The following PPIL2 variants were observed in gnomAD, a reference collection of about 807,000 sequenced individuals.
PPIL2 encodes the protein peptidylprolyl isomerase like 2.
PPIL2 carries 50 observed loss-of-function variants against 75.2 expected under a neutral mutation model. The observed-to-expected ratio is 0.66, with a 90% confidence interval of 0.53 to 0.84. The LOEUF (loss-of-function observed/expected upper bound fraction) is 0.84. Ranked by LOEUF, PPIL2 falls within the 40% of genes least tolerant of loss-of-function variation. The probability of loss-of-function intolerance (pLI) is 0.00; values close to 1 mark genes in which losing one functional copy is unlikely to be tolerated. For missense variants in PPIL2, 590 were observed against 685.0 expected, an observed-to-expected ratio of 0.86 and a Z score of 1.55; for synonymous variants, 245 against 258.8, an observed-to-expected ratio of 0.95 and a Z score of 0.51.
intron 7 of PPIL2, among the ~76,000 whole-genome samples, 177 bp downstream of exon 7, chr22:21,681,567 G>T (rs929246093): frequency 1.3e-5 from 2 of 152,178 alleles, no homozygotes; most frequent in African/African-American, 2.4e-5. Context: ...CCCATTTTCA[G>T]GCAGGTCAAA....
chr22:21,691,549 A>G (rs1228466613), intron 15 of PPIL2, among the ~76,000 whole-genome samples: 6 of 152,018 alleles, frequency 3.9e-5, no homozygotes, highest in Non-Finnish European at 7.4e-5. Flanking sequence ...GCATGGTGGC[A>G]GGCGCCTGTA....
chr22:21,672,413 T>A (rs1156883092), intron 5 of PPIL2, 32 bp downstream of exon 5: 1 of 1,560,152 alleles, frequency 6.4e-7, no homozygotes, highest in African/African-American at 1.4e-5. Flanking sequence ...TCAGTGATGC[T>A]AGTGAATGCT....
intron 9 of PPIL2, among the ~76,000 whole-genome samples, chr22:21,684,180 T>C (rs892763719): frequency 3.4e-5 from 5 of 148,536 alleles, no homozygotes; most frequent in African/African-American, 1.3e-4. Context: ...GCTTTCTAGC[T>C]GGGGCGACAG....
intron 6 of PPIL2, among the ~76,000 whole-genome samples, chr22:21,678,016 G>A (rs528092464): frequency 1.3e-5 from 2 of 152,290 alleles, no homozygotes; most frequent in East Asian, 3.9e-4. Context: ...GCCCAGCTGG[G>A]AGTCCAATGT....
chr22:21,689,517 C>T (rs769645783), intron 15 of PPIL2, among the ~76,000 whole-genome samples: 2 of 152,006 alleles, frequency 1.3e-5, no homozygotes, highest in African/African-American at 2.4e-5. Flanking sequence ...GATCATTGCT[C>T]ATGTAGAGAA....
intron 7 of PPIL2, among the ~76,000 whole-genome samples, chr22:21,681,958 C>A (rs2067146687): frequency 6.6e-6 from 1 of 152,242 alleles, no homozygotes; most frequent in African/African-American, 2.4e-5. Context: ...GTGGCCAGCG[C>A]TGCTCCAGGG....
chr22:21,697,043 T>C lies in PPIL2; in HGVS notation c.*1553T>C, dbSNP rs543104495. ...AGCCTGTCATCCCTGTCTGTGACCATTGGTCGGGCCCCTGGGCTCTAGAGT... is the reference window on the plus strand; with the variant it reads ...AGCCTGTCATCCCTGTCTGTGACCACTGGTCGGGCCCCTGGGCTCTAGAGT... On this transcript the variant is annotated 3_prime_UTR_variant, in exon 20 of 20. Transcript: ENST00000398831. 4.3e-5 allele frequency: 65 copies of C among 1,513,690 alleles called. No individual in the cohort carries two copies. Among genetic ancestry groups the C allele is most frequent in the East Asian group, 2.0e-4 (8 of 40,888 alleles). 93.8% of individuals were successfully genotyped at this position (1,513,690 alleles called of 1,614,324 possible).
intron 1 of PPIL2, among the ~76,000 whole-genome samples, chr22:21,667,235 C>A (rs1432462223): frequency 6.6e-6 from 1 of 151,048 alleles, no homozygotes; most frequent in East Asian, 1.9e-4. Flanking sequence ...TGGCTCACCG[C>A]AACCTCCGCT....
rs1305523547 is a variant in PPIL2, at chr22:21,696,763, C to CCTCT, written c.*1274_*1277dup. On this transcript the variant is annotated 3_prime_UTR_variant, in exon 20 of 20. Coordinates refer to ENST00000398831, the MANE Select transcript of PPIL2 (RefSeq NM_014337.4). ...ACCTGTCAGCAACTTGCAGGCTGTACCTCTGCCCTTCCTTTTCTCATCAAT... is the reference window on the plus strand; with the variant it reads ...ACCTGTCAGCAACTTGCAGGCTGTACCTCTCTCTGCCCTTCCTTTTCTCATCAAT... The CCTCT allele has an allele frequency of 6.5e-7, 1 of 1,543,906 alleles. No individual in the cohort carries two copies. The highest frequency in any genetic ancestry group is 1.2e-5 in the South Asian group (1 of 84,068).
In PPIL2 at chr22:21,686,493, C is replaced by A; in HGVS notation, c.725C>A (p.Ser242Tyr). The A allele has an allele frequency of 6.2e-7, 1 of 1,614,122 alleles. No homozygotes were observed. Among genetic ancestry groups the A allele is most frequent in the Non-Finnish European group, 8.5e-7 (1 of 1,179,992 alleles). Residue 242 changes from serine to tyrosine, a missense_variant, in exon 11 of 20, where the codon TCC becomes TAC. Physicochemically the swap from Ser to Tyr is moderately radical, Grantham distance 144 (BLOSUM62 -2). Coordinates refer to ENST00000398831, the MANE Select transcript of PPIL2 (RefSeq NM_014337.4). ...KVDKLNAAHY[S>Y]TGKVSASFTS... ...TGGTTTCCTTGGCAGGCCCACTATT[C>A]CACAGGGAAGGTCAGCGCTTCCTTC... is the stretch of plus-strand genomic sequence containing the variant.
intron 3 of PPIL2, 158 bp from the exon 4 acceptor site, chr22:21,670,839 T>A: frequency 2.3e-6 from 2 of 874,218 alleles, no homozygotes; most frequent in Non-Finnish European, 3.8e-6. Flanking sequence ...AACACTATTG[T>A]AGTTGGAGGA....
At chr22:21,676,276 G>GTGTC (rs2066841192) in intron 6 of PPIL2, among the ~76,000 whole-genome samples, 1 of 143,112 alleles carries the variant, frequency 7.0e-6, no homozygotes, top group Non-Finnish European at 1.5e-5. Context: ...GTGTGTGTGT[G>GTGTC]TGTCTCATTC....
At chr22:21,676,306 A>G (rs201976351) in intron 6 of PPIL2, among the ~76,000 whole-genome samples, 69 of 23,336 alleles carry the variant, frequency 3.0e-3, no homozygotes, top group Non-Finnish European at 9.7e-4. Flanking sequence ...TTATTTATTT[A>G]TTTTGTGTGT....
intron 2 of PPIL2, chr22:21,670,317 C>A: frequency 6.7e-7 from 1 of 1,500,482 alleles, no homozygotes; most frequent in South Asian, 1.3e-5. Context: ...ACTATCAAGA[C>A]TACAATAACA....
chr22:21,695,496 G>T lies in PPIL2; in HGVS notation c.*6G>T. 6.3e-7 allele frequency: 1 copy of T among 1,588,812 alleles called. No individual in the cohort carries two copies. Among genetic ancestry groups the T allele is most frequent in the Non-Finnish European group, 8.6e-7 (1 of 1,166,840 alleles). On this transcript the variant is annotated 3_prime_UTR_variant, in exon 20 of 20. Coordinates refer to ENST00000398831, the MANE Select transcript of PPIL2 (RefSeq NM_014337.4). ...GGGACTTCAGCTCCTGGTAGCAGCA[G>T]GTTGGCCGCTGTGGACCTTGGTGGG...
chr22:21,693,715 C>T, intron 15 of PPIL2, 101 bp from the exon 16 acceptor site: 4 of 1,214,988 alleles, frequency 3.3e-6, no homozygotes, highest in Non-Finnish European at 4.9e-6. Context: ...TGCAGGTTCC[C>T]AGAGCTGGCT....
intron 15 of PPIL2, among the ~76,000 whole-genome samples, chr22:21,691,464 A>G (rs982678200): frequency 1.3e-5 from 2 of 151,914 alleles, no homozygotes; most frequent in African/African-American, 4.8e-5. Context: ...GCGGATCACG[A>G]GGTCAGGAGA....
At chr22:21,675,178 C>T in intron 6 of PPIL2, 63 bp downstream of exon 6, 1 of 1,421,110 alleles carries the variant, frequency 7.0e-7, no homozygotes, top group Non-Finnish European at 9.9e-7. Context: ...CCAGCTCTCA[C>T]CAGTTTTCAT....
In PPIL2 at chr22:21,672,324, C is replaced by G. The variant is rs1286919122; in HGVS notation, c.192-6C>G. ...GGTGATGCTTTCTGTTCTGTCTTCC[C>G]TTCAGGAACATTGTTCCATGGCTTA... On this transcript the variant is annotated splice_region_variant and splice_polypyrimidine_tract_variant and intron_variant, in intron 4 of 19. Coordinates refer to ENST00000398831, the MANE Select transcript of PPIL2 (RefSeq NM_014337.4). 6.2e-7 allele frequency: 1 copy of G among 1,610,476 alleles called. No individual in the cohort carries two copies.
Sources: allele counts gnomAD v4.1 joint callset (sites outside exome capture counted in the v4.1 genomes callset), GRCh38; gene constraint gnomAD v4.1.1; transcripts MANE v1.5; gene names NCBI Gene and HGNC (gene_info 2026-07-23, HGNC 2026-07-21).